ERBB4: variants seen among roughly 807,000 people sequenced by gnomAD.
The protein encoded by ERBB4 is erb-b2 receptor tyrosine kinase 4.
ERBB4 carries 42 observed loss-of-function variants against 158.0 expected under a neutral mutation model. The observed-to-expected ratio is 0.27, with a 90% CI of 0.21 to 0.34. ERBB4 has a LOEUF of 0.34. Ranked by LOEUF, ERBB4 falls within the 10% of genes least tolerant of loss-of-function variation. The probability of loss-of-function intolerance (pLI) is 1.00; values close to 1 mark genes in which losing one functional copy is unlikely to be tolerated. For missense variants in ERBB4, 1,333 were observed against 1,624.1 expected (o/e 0.82, Z 3.08); for synonymous variants, 583 against 558.7 (o/e 1.04, Z -0.61).
At chr2:211,870,821 T>C (rs1559596417) in intron 3 of ERBB4, among the ~76,000 whole-genome samples, 1 of 152,194 alleles carries the variant, frequency 6.6e-6, no homozygotes, top group Non-Finnish European at 1.5e-5. Context: ...ATCTGTGGAC[T>C]TGTGAAATAA....
chr2:211,927,947 T>C (rs778946626), intron 3 of ERBB4, among the ~76,000 whole-genome samples: 8 of 152,140 alleles, frequency 5.3e-5, no homozygotes, highest in Non-Finnish European at 1.2e-4. Flanking sequence ...TTATAATACA[T>C]ACAGGGGTAC....
intron 1 of ERBB4, chr2:212,429,292 G>T (rs921725192): frequency 1.3e-5 from 2 of 152,082 alleles, no homozygotes; most frequent in Admixed American, 1.3e-4. Context: ...CCCTGCTGGG[G>T]CTTTCCAAAT....
intron 3 of ERBB4, among the ~76,000 whole-genome samples, chr2:211,931,384 C>T (rs2080171017): frequency 6.6e-6 from 1 of 151,870 alleles, no homozygotes; most frequent in Non-Finnish European, 1.5e-5. Context: ...TAATAGAGGT[C>T]CCTAGATATG....
At chr2:211,392,484 A>G (rs1476384786) in intron 25 of ERBB4, among the ~76,000 whole-genome samples, 3 of 151,622 alleles carry the variant, frequency 2.0e-5, no homozygotes, top group African/African-American at 7.3e-5. Flanking sequence ...GTATACATAT[A>G]TTTATTTATT....
At chr2:212,500,052 G>A (rs769401935) in intron 1 of ERBB4, among the ~76,000 whole-genome samples, 7 of 151,848 alleles carry the variant, frequency 4.6e-5, no homozygotes, top group Non-Finnish European at 8.8e-5. Flanking sequence ...CCCTTTCCCC[G>A]GAATTTATTT....
intron 2 of ERBB4, among the ~76,000 whole-genome samples, chr2:211,994,383 T>G (rs983113801): frequency 6.6e-6 from 1 of 152,140 alleles, no homozygotes; most frequent in Non-Finnish European, 1.5e-5. Context: ...TCCTCCCCCA[T>G]TGGCCTCCCA....
At chr2:211,756,366 C>A (rs986763132) in intron 4 of ERBB4, among the ~76,000 whole-genome samples, 4 of 152,106 alleles carry the variant, frequency 2.6e-5, no homozygotes, top group African/African-American at 9.7e-5. Flanking sequence ...TAAGCAATAA[C>A]ACAGAGGCAT....
intron 2 of ERBB4, among the ~76,000 whole-genome samples, chr2:212,121,848 C>T (rs1559538079): frequency 6.6e-6 from 1 of 151,998 alleles, no homozygotes; most frequent in Non-Finnish European, 1.5e-5. Flanking sequence ...TTGAAATGCC[C>T]TTCTCTTACA....
chr2:211,636,860 C>T, intron 16 of ERBB4, among the ~76,000 whole-genome samples: 1 of 151,842 alleles, frequency 6.6e-6, no homozygotes, highest in East Asian at 1.9e-4. Context: ...AAAATAAATG[C>T]ATTGCTAATG....
intron 9 of ERBB4, among the ~76,000 whole-genome samples, chr2:211,709,254 C>CACATATATATATATAT (rs1402744514): frequency 4.1e-4 from 42 of 101,532 alleles, no homozygotes; most frequent in African/African-American, 1.6e-3. Flanking sequence ...TATATATACA[C>CACATATATATATATAT]ATATATATAT....
intron 2 of ERBB4, among the ~76,000 whole-genome samples, chr2:212,064,668 G>T (rs1465934718): frequency 3.3e-5 from 5 of 152,010 alleles, no homozygotes; most frequent in Non-Finnish European, 7.4e-5. Flanking sequence ...GGCAAGCAGT[G>T]TTTACTTTCG....
chr2:212,274,354 C>T (rs947974756), intron 1 of ERBB4, among the ~76,000 whole-genome samples: 1 of 151,792 alleles, frequency 6.6e-6, no homozygotes, highest in South Asian at 2.1e-4. Context: ...CGGTATTGCA[C>T]TAAACACAAT....
chr2:212,538,694 G>C lies in ERBB4; in HGVS notation c.-164C>G. On this transcript the variant is annotated 5_prime_UTR_variant, in exon 1 of 28. Transcript: ENST00000342788. Reference sequence around the variant, plus strand: ...ACTCCCAGGGCGGGCGACCGAGTCCGCGCCCGCGGGTCCAGGGCCGGGGCC... The same window carrying C: ...ACTCCCAGGGCGGGCGACCGAGTCCCCGCCCGCGGGTCCAGGGCCGGGGCC... The C allele has an allele frequency of 2.0e-6, 1 of 490,390 alleles. No individual in the cohort carries two copies. Among genetic ancestry groups the C allele is most frequent in the Non-Finnish European group, 3.4e-6 (1 of 294,476 alleles). 30.4% of individuals were successfully genotyped at this position (490,390 alleles called of 1,614,324 possible). A position where few individuals can be genotyped will look rare whatever the true frequency, so the allele number is the denominator to read the frequency against.
intron 1 of ERBB4, among the ~76,000 whole-genome samples, chr2:212,481,236 A>G (rs1392860955): frequency 6.6e-6 from 1 of 152,098 alleles, no homozygotes; most frequent in Admixed American, 6.6e-5. Context: ...ATAGATATAT[A>G]TCTCATACAC....
At chr2:211,452,220 CA>C (rs2064264319) in intron 20 of ERBB4, among the ~76,000 whole-genome samples, 1 of 152,110 alleles carries the variant, frequency 6.6e-6, no homozygotes, top group African/African-American at 2.4e-5. Context: ...CTCTGTTGCC[CA>C]GGCTGGAGTG....
chr2:212,173,587 G>T (rs1161344995), intron 1 of ERBB4, among the ~76,000 whole-genome samples: 1 of 152,134 alleles, frequency 6.6e-6, no homozygotes, highest in Non-Finnish European at 1.5e-5. Flanking sequence ...TGTACCAGGA[G>T]ATTTCACTGA....
intron 2 of ERBB4, among the ~76,000 whole-genome samples, chr2:212,069,947 T>A (rs1002076620): frequency 6.8e-6 from 1 of 147,034 alleles, no homozygotes; most frequent in Admixed American, 7.1e-5. Context: ...GTAAGAACCA[T>A]GTCTTAAAAA....
At chr2:211,513,377 C>CAAAAAAAAAA (rs1167274491) in intron 20 of ERBB4, among the ~76,000 whole-genome samples, 16 of 55,798 alleles carry the variant, frequency 2.9e-4, no homozygotes, top group African/African-American at 6.9e-4. Flanking sequence ...AAAAAAAAAA[C>CAAAAAAAAAA]AAAAAAAAAA....
At chr2:211,797,894 T>G (rs62184483) in intron 3 of ERBB4, among the ~76,000 whole-genome samples, 31,530 of 151,890 alleles carry the variant, frequency 0.21, 3,864 homozygotes, top group Non-Finnish European at 0.28. Flanking sequence ...TAATCATCAT[T>G]TTATAAAGCA....
Sources: allele counts gnomAD v4.1 joint callset (sites outside exome capture counted in the v4.1 genomes callset), GRCh38; gene constraint gnomAD v4.1.1; transcripts MANE v1.5; gene names NCBI Gene and HGNC (gene_info 2026-07-23, HGNC 2026-07-21).